The following TSPAN11 variants were observed in gnomAD, a reference collection of about 807,000 sequenced individuals.
TSPAN11 encodes tetraspanin-11.
In TSPAN11, 29 loss-of-function variants were observed where a neutral mutation model predicts 32.9. The observed-to-expected ratio is 0.88, with a 90% CI of 0.66 to 1.20. The LOEUF is 1.20. Ranked by LOEUF, TSPAN11 falls within the 50% of genes most tolerant of loss-of-function variation. TSPAN11 has a pLI of 0.00. For missense variants in TSPAN11, 283 were observed against 329.1 expected, an observed-to-expected ratio of 0.86 and a Z score of 1.08; for synonymous variants, 140 against 141.3, an observed-to-expected ratio of 0.99 and a Z score of 0.07.
chr12:30,978,305 G>A, intron 3 of TSPAN11: 1 of 461,984 alleles, frequency 2.2e-6, no homozygotes, highest in African/African-American at 1.9e-5. Flanking sequence ...ACGCTACCTG[G>A]CATCTGGCAT....
At chr12:30,944,343 T>C (rs1938225369) in intron 1 of TSPAN11, among the ~76,000 whole-genome samples, 1 of 152,178 alleles carries the variant, frequency 6.6e-6, no homozygotes, top group South Asian at 2.1e-4. Flanking sequence ...ATTCCTCTTG[T>C]CTAAAAATTC....
intron 4 of TSPAN11, chr12:30,978,886 C>T (rs1017215515): frequency 4.7e-5 from 24 of 507,704 alleles, no homozygotes; most frequent in Middle Eastern, 1.0e-3. Flanking sequence ...AGGGACATTG[C>T]GTCATCCCTC....
chr12:31,010,160 C>G, the TSPAN11 span, among the ~76,000 whole-genome samples: 1 of 152,120 alleles, frequency 6.6e-6, no homozygotes, highest in Non-Finnish European at 1.5e-5. Flanking sequence ...CTGTTATTTG[C>G]CCCTCACACC....
At chr12:30,996,784 T>G (rs575975431), downstream of TSPAN11, among the ~76,000 whole-genome samples, 1 of 152,318 alleles carries the variant, frequency 6.6e-6, no homozygotes, top group African/African-American at 2.4e-5. Context: ...TCATCACTGA[T>G]GTGTTTGAAC....
intron 3 of TSPAN11, among the ~76,000 whole-genome samples, chr12:30,966,138 G>A (rs188586086): frequency 3.3e-4 from 50 of 152,124 alleles, no homozygotes; most frequent in African/African-American, 1.1e-3. Flanking sequence ...AACAGGAGGT[G>A]GGGGTCACAC....
chr12:30,963,763 T>G (rs1414508543), intron 2 of TSPAN11, 63 bp from the exon 3 acceptor site: 1 of 1,554,524 alleles, frequency 6.4e-7, no homozygotes, highest in Non-Finnish European at 8.7e-7. Flanking sequence ...CTGTGGGCAC[T>G]GAACGGATAG....
chr12:30,997,252 GT>G (rs1285401970), downstream of TSPAN11: 1 of 152,188 alleles, frequency 6.6e-6, no homozygotes, highest in Non-Finnish European at 1.5e-5. Flanking sequence ...GGAAGTACAT[GT>G]TTTTGTCTTC....
At chr12:30,936,773 G>A (rs941343257) in intron 1 of TSPAN11, among the ~76,000 whole-genome samples, 7 of 152,238 alleles carry the variant, frequency 4.6e-5, no homozygotes, top group African/African-American at 1.7e-4. Context: ...TCATGGGCAT[G>A]AGCCTGGAGC....
chr12:31,002,455 G>T, the TSPAN11 span, among the ~76,000 whole-genome samples: 1 of 152,162 alleles, frequency 6.6e-6, no homozygotes, highest in South Asian at 2.1e-4. This position sits in a 1 kb window ranked among gnomAD's most constrained non-coding sequence, Gnocchi z 4.8. Flanking sequence ...GTGTCACTGT[G>T]ACTGTGACAG....
chr12:30,955,555 A>G (rs1938462098), intron 2 of TSPAN11, among the ~76,000 whole-genome samples: 1 of 152,258 alleles, frequency 6.6e-6, no homozygotes, highest in African/African-American at 2.4e-5. Context: ...TCAAAATGCC[A>G]TAAACTGGAT....
At position 30,988,210 on chromosome 12, in the gene TSPAN11, C is replaced by A. The variant is rs148372294; in HGVS notation, c.703-3646C>A. ...ATCATCACAGTGCTGAGGTACCACC[C>A]GATCAGACTCTTCCACCTGGAAAGG... On this transcript the variant is annotated intron_variant, in intron 7 of 7. Transcript: ENST00000546076. Among the ~76,000 whole-genome samples the A allele has an allele frequency of 9.2e-5, 14 of 152,326 alleles. No individual in the cohort carries two copies. In the East Asian group the frequency reaches 2.7e-3, roughly 29 times the overall value.
At chr12:31,000,299 A>G (rs2140321047), downstream of TSPAN11, among the ~76,000 whole-genome samples, 1 of 152,128 alleles carries the variant, frequency 6.6e-6, no homozygotes, top group African/African-American at 2.4e-5. Flanking sequence ...ACCTCGATAC[A>G]CCAACTCCCC....
chr12:30,957,454 A>T (rs1938506842), intron 2 of TSPAN11, among the ~76,000 whole-genome samples: 1 of 152,186 alleles, frequency 6.6e-6, no homozygotes, highest in Admixed American at 6.5e-5. Flanking sequence ...CCGGCCAAGC[A>T]GCTTCATTGT....
At chr12:31,005,713 C>T in the TSPAN11 span, 3 of 154,920 alleles carry the variant, frequency 1.9e-5, no homozygotes, top group Admixed American at 6.5e-5. Flanking sequence ...TCTGCCTCCA[C>T]AGAGCATCCA....
the TSPAN11 span, among the ~76,000 whole-genome samples, chr12:31,006,911 G>C: frequency 6.6e-6 from 1 of 152,118 alleles, no homozygotes; most frequent in African/African-American, 2.4e-5. Flanking sequence ...ATTTCTCTGG[G>C]GGTGGGGCCC....
At chr12:30,972,447 C>A (rs1477905623) in intron 3 of TSPAN11, among the ~76,000 whole-genome samples, 1 of 151,976 alleles carries the variant, frequency 6.6e-6, no homozygotes, top group Non-Finnish European at 1.5e-5. Context: ...GGAGGCTGTG[C>A]CTGAGCTGAG....
intron 2 of TSPAN11, chr12:30,954,900 T>C (rs1285577554): frequency 6.6e-6 from 1 of 152,180 alleles, no homozygotes; most frequent in Non-Finnish European, 1.5e-5. Context: ...ATATTAGATG[T>C]CAAATGCCTG....
At chr12:30,990,838 A>G (rs1345666006) in intron 7 of TSPAN11, among the ~76,000 whole-genome samples, 1 of 152,188 alleles carries the variant, frequency 6.6e-6, no homozygotes, top group Non-Finnish European at 1.5e-5. Context: ...CCTTCACCCC[A>G]GGTATCACGG....
rs1364394003 is a variant in TSPAN11 at position 30,975,118 on chromosome 12, CT to C, written c.277-3440del. 6.6e-6 allele frequency among the ~76,000 whole-genome samples: 1 copy of C among 152,232 alleles called. No homozygotes were observed. Among genetic ancestry groups the C allele is most frequent in the African/African-American group, 2.4e-5 (1 of 41,466 alleles). ...CAGCAACACCAGGAACACTTTTCAGCTTTGCACACAGAGCCAGCGTGTGCCG... is the reference window on the plus strand; with the variant it reads ...CAGCAACACCAGGAACACTTTTCAGCTTGCACACAGAGCCAGCGTGTGCCG... On this transcript the variant is annotated intron_variant, in intron 3 of 7. Transcript: ENST00000546076. This position sits in a 1 kb window ranked among gnomAD's most constrained non-coding sequence, Gnocchi z 4.5.
Sources: allele counts gnomAD v4.1 joint callset (sites outside exome capture counted in the v4.1 genomes callset), GRCh38; gene constraint gnomAD v4.1.1; non-coding constraint Gnocchi (gnomAD v3.1); transcripts MANE v1.5; gene names NCBI Gene and HGNC (gene_info 2026-07-23, HGNC 2026-07-21).